Variants in SGK1 observed in about 807,000 individuals in gnomAD.
SGK1 encodes serine/threonine-protein kinase Sgk1.
In SGK1, 26 loss-of-function variants were observed where a neutral mutation model predicts 64.2. The ratio of observed to expected loss-of-function variants is 0.40; its 90% CI spans 0.30 to 0.56. The LOEUF (loss-of-function observed/expected upper bound fraction) is 0.56. Among genes scored for constraint, SGK1 ranks in the 20% least tolerant of loss-of-function variants. The pLI, the probability that SGK1 is intolerant of heterozygous loss-of-function variation, is 0.38. For missense variants in SGK1, 519 were observed against 645.6 expected (o/e 0.80, Z 2.12); for synonymous variants, 265 against 239.7 (o/e 1.11, Z -0.98).
chr6:134,291,878 T>A (rs796585970), intron 1 of SGK1, among the ~76,000 whole-genome samples: 2 of 152,030 alleles, frequency 1.3e-5, no homozygotes, highest in Non-Finnish European at 2.9e-5. Context: ...CTGACCAACA[T>A]GGTGAAACTC....
intron 3 of SGK1, among the ~76,000 whole-genome samples, chr6:134,182,090 T>C (rs1775340744): frequency 6.6e-6 from 1 of 151,868 alleles, no homozygotes. Context: ...ACTCCTGAGC[T>C]CAAGTGATCT....
At chr6:134,182,367 T>C (rs1775344495) in intron 3 of SGK1, among the ~76,000 whole-genome samples, 1 of 151,394 alleles carries the variant, frequency 6.6e-6, no homozygotes, top group South Asian at 2.1e-4. Flanking sequence ...GCCAACATGG[T>C]GAAACCCCGT....
intron 1 of SGK1, among the ~76,000 whole-genome samples, chr6:134,269,975 G>A (rs190291742): frequency 0.01 from 1,509 of 146,870 alleles, 121 homozygotes; most frequent in Non-Finnish European, 0.016. Context: ...AGGCTGGAGC[G>A]CAATGGCGCG....
At chr6:134,272,988 C>T (rs1005646007) in intron 1 of SGK1, among the ~76,000 whole-genome samples, 1 of 148,174 alleles carries the variant, frequency 6.7e-6, no homozygotes, top group Non-Finnish European at 1.5e-5. Context: ...TGTTGACCAT[C>T]GAAAGAGGAT....
At chr6:134,192,802 G>C (rs936218880) in intron 3 of SGK1, among the ~76,000 whole-genome samples, 11 of 151,890 alleles carry the variant, frequency 7.2e-5, no homozygotes, top group African/African-American at 2.7e-4. Context: ...CAAATGACCC[G>C]CCTGCCTTGG....
chr6:134,175,754 A>G, intron 3 of SGK1: 1 of 1,350,514 alleles, frequency 7.4e-7, no homozygotes, highest in Non-Finnish European at 9.5e-7. Context: ...GCCGGGCAAG[A>G]TTTCCTGCCC....
intron 8 of SGK1, 29 bp from the exon 9 acceptor site, chr6:134,172,803 G>A (rs754481279): frequency 6.6e-7 from 1 of 1,506,458 alleles, no homozygotes; most frequent in Non-Finnish European, 9.2e-7. Context: ...AGTCATTCTG[G>A]GTTGCAAATG....
intron 1 of SGK1, among the ~76,000 whole-genome samples, chr6:134,265,892 C>T (rs1207758572): frequency 1.3e-5 from 2 of 151,876 alleles, no homozygotes; most frequent in African/African-American, 4.8e-5. Context: ...CCCCTCCCAG[C>T]TCAGCCTCCC....
At position 134,281,274 on chromosome 6, in the gene SGK1, T is replaced by C. The variant is rs571795695; in HGVS notation, c.70-19126A>G. On this transcript the variant is annotated intron_variant, in intron 1 of 13. Coordinates refer to ENST00000367858, the MANE Select transcript of SGK1 (RefSeq NM_001143676.3). ...CTGTTAGAAGATCTGATTTCAAGTG[T>C]TGTTTCTACCACCTATTAGATGTGT... 1.7e-3 allele frequency among the ~76,000 whole-genome samples: 256 copies of C among 152,282 alleles called. 1 individual carries two copies. Among genetic ancestry groups the C allele is most frequent in the Non-Finnish European group, 3.1e-3 (211 of 68,030 alleles).
intron 3 of SGK1, among the ~76,000 whole-genome samples, chr6:134,184,375 C>T (rs555946910): frequency 2.6e-5 from 4 of 151,666 alleles, no homozygotes; most frequent in South Asian, 2.1e-4. Context: ...CGTGGTGGTG[C>T]GCGCCTGTAG....
intron 1 of SGK1, chr6:134,298,783 T>TATTATTTATTTATTTA: frequency 3.3e-6 from 1 of 304,558 alleles, no homozygotes. Flanking sequence ...AGCATTCAGC[T>TATTATTTATTTATTTA]CTTATTTATT....
Position 134,292,668 on chromosome 6 carries a change from T to A in SGK1, c.69+24724A>T, listed in dbSNP as rs537118962. On this transcript the variant is annotated intron_variant, in intron 1 of 13. Transcript: ENST00000367858. ...ATTATTTTACAAACATTAGATTAAG[T>A]AGATACAGAAAAGTGAGAGAAAAAG... 2.0e-5 allele frequency among the ~76,000 whole-genome samples: 3 copies of A among 152,186 alleles called. No homozygotes were observed. In the East Asian group the frequency reaches 5.8e-4, roughly 29 times the overall value.
intron 2 of SGK1, among the ~76,000 whole-genome samples, chr6:134,237,983 AC>A (rs1213280528): frequency 6.6e-6 from 1 of 152,222 alleles, no homozygotes; most frequent in African/African-American, 2.4e-5. Flanking sequence ...TGTGTAAAAA[AC>A]ATCTTATTCC....
chr6:134,286,792 G>A (rs1430509823), intron 1 of SGK1, among the ~76,000 whole-genome samples: 3 of 152,022 alleles, frequency 2.0e-5, no homozygotes, highest in Non-Finnish European at 4.4e-5. Flanking sequence ...TTAAAAAAGA[G>A]TATATTTAGT....
At chr6:134,240,554 A>G (rs986982967) in intron 2 of SGK1, among the ~76,000 whole-genome samples, 3 of 152,188 alleles carry the variant, frequency 2.0e-5, no homozygotes, top group Non-Finnish European at 4.4e-5. Context: ...TTTCCTCATC[A>G]GCAAATTGGA....
At chr6:134,177,172 C>T (rs1775254946) in intron 3 of SGK1, among the ~76,000 whole-genome samples, 1 of 152,180 alleles carries the variant, frequency 6.6e-6, no homozygotes, top group Admixed American at 6.5e-5. Flanking sequence ...CGAGATCACG[C>T]CACTGCACTC....
chr6:134,226,608 C>T (rs916071540), intron 2 of SGK1, among the ~76,000 whole-genome samples: 14 of 151,484 alleles, frequency 9.2e-5, no homozygotes, highest in South Asian at 6.3e-4. Flanking sequence ...GTGGGAGGAT[C>T]GCCTAAGCCT....
chr6:134,207,340 A>ATT lies in SGK1; in HGVS notation c.361+14_361+15dup. ...CTGTACATAACAGGAAACAGGTTGT[A>ATT]TTTTTCCAATAATACCTGGATCATC... On this transcript the variant is annotated intron_variant, in intron 3 of 13. Coordinates refer to ENST00000367858, the MANE Select transcript of SGK1 (RefSeq NM_001143676.3). 6.4e-7 allele frequency: 1 copy of ATT among 1,558,718 alleles called. No homozygotes were observed. Among genetic ancestry groups the ATT allele is most frequent in the East Asian group, 2.2e-5 (1 of 44,602 alleles).
intron 3 of SGK1, among the ~76,000 whole-genome samples, chr6:134,189,129 G>C (rs1775468144): frequency 6.6e-6 from 1 of 151,628 alleles, no homozygotes; most frequent in Non-Finnish European, 1.5e-5. Context: ...AATAAGATTA[G>C]TTATCCCCAG....
Sources: gnomAD v4.1 joint callset for allele counts (sites outside exome capture counted in the v4.1 genomes callset) on GRCh38, gnomAD v4.1.1 for gene constraint, MANE v1.5 for transcripts, NCBI Gene and HGNC (gene_info 2026-07-23, HGNC 2026-07-21) for gene names.